Variants in C8B observed in about 807,000 individuals in gnomAD.
C8B encodes the protein complement C8 beta chain.
In C8B, 67 loss-of-function variants were observed where a neutral mutation model predicts 64.6. The observed-to-expected ratio is 1.04, with a 90% CI of 0.85 to 1.27. The LOEUF is 1.27. C8B is among the 50% of genes most tolerant of loss of function. The pLI, the probability that C8B is intolerant of heterozygous loss-of-function variation, is 0.00. For synonymous variants in C8B, 284 were observed against 257.7 expected, an observed-to-expected ratio of 1.10 and a Z score of -0.98; for missense variants, 790 against 725.2, an observed-to-expected ratio of 1.09 and a Z score of -1.03.
intron 9 of C8B, among the ~76,000 whole-genome samples, chr1:56,933,780 GAGAC>G (rs1372254456): frequency 6.6e-6 from 1 of 152,338 alleles, no homozygotes; most frequent in Admixed American, 6.5e-5. Context: ...AGAATCGAGA[GAGAC>G]AGACAAACAT....
intron 3 of C8B, among the ~76,000 whole-genome samples, chr1:56,955,909 A>AACC (rs1463036609): frequency 1.3e-5 from 2 of 152,180 alleles, no homozygotes; most frequent in African/African-American, 4.8e-5. Flanking sequence ...AGAAATAGAG[A>AACC]ACCATCTGTT....
rs186619350 is a variant in C8B at position 56,929,827 on chromosome 1, T to C, written c.1622-269A>G. ...CCTCGGATCTCAGTAAAAGTGTTAT[T>C]TCCTCAGGAAAATCTTCTCTGACTC... On this transcript the variant is annotated intron_variant, in intron 11 of 11. Coordinates refer to ENST00000371237, the MANE Select transcript of C8B (RefSeq NM_000066.4). Among the ~76,000 whole-genome samples, 608 of 152,326 alleles carry C rather than the reference T, an allele frequency of 4.0e-3. 6 individuals are homozygous for C. The highest frequency in any genetic ancestry group is 6.2e-3 in the Non-Finnish European group (424 of 68,038).
At chr1:56,929,642 A>G in intron 11 of C8B, 84 bp from the exon 12 acceptor site, 1 of 1,358,840 alleles carries the variant, frequency 7.4e-7, no homozygotes. Flanking sequence ...TATGTAAGCC[A>G]AAAGGCTTTG....
intron 5 of C8B, among the ~76,000 whole-genome samples, chr1:56,951,154 T>A (rs1645015349): frequency 6.6e-6 from 1 of 152,166 alleles, no homozygotes; most frequent in African/African-American, 2.4e-5. Context: ...CTTGACTCAC[T>A]GTAGCCTCAA....
intron 4 of C8B, among the ~76,000 whole-genome samples, chr1:56,953,607 G>T (rs557090546): frequency 1.3e-5 from 2 of 152,288 alleles, no homozygotes; most frequent in African/African-American, 4.8e-5. Flanking sequence ...GAGCTGCCCA[G>T]CACCTCGTAT....
chr1:56,959,745 T>C (rs150313161), intron 2 of C8B: 18,920 of 846,868 alleles, frequency 0.022, 282 homozygotes, highest in South Asian at 0.04. Context: ...TGTTTCATGA[T>C]GAAAGATTGA....
intron 1 of C8B, chr1:56,963,923 G>A (rs1405922833): frequency 1.0e-5 from 10 of 985,148 alleles, no homozygotes; most frequent in Non-Finnish European, 1.2e-5. Context: ...TGGCCAATAC[G>A]AAGGTGGTCT....
At chr1:56,934,208 C>G (rs990158234) in intron 9 of C8B, among the ~76,000 whole-genome samples, 2 of 144,458 alleles carry the variant, frequency 1.4e-5, no homozygotes, top group African/African-American at 2.6e-5. Flanking sequence ...TCCCAGAGAT[C>G]AGGGCAATGT....
Position 56,954,799 on chromosome 1 carries a change from G to A in C8B, c.420C>T (p.Cys140=), listed in dbSNP as rs1570399860. The change falls in exon 4 of 12, where the codon TGC becomes TGT. Residue 140 remains cysteine (C), a synonymous_variant. Coordinates refer to ENST00000371237, the MANE Select transcript of C8B (RefSeq NM_000066.4). ...GGTCTCCACAGTCATTGTCCCCATTGCAAAGAAGTCTGCGGTTTACACACC... is the reference window on the plus strand; with the variant it reads ...GGTCTCCACAGTCATTGTCCCCATTACAAAGAAGTCTGCGGTTTACACACC... ...TGRCVNRRLL[C]NGDNDCGDQS... The A allele has an allele frequency of 3.1e-6, 5 of 1,614,088 alleles. No homozygotes were observed. The East Asian group carries it at 8.9e-5, about 29-fold the overall frequency.
At chr1:56,956,746 C>G (rs774090414) in intron 3 of C8B, 23 bp downstream of exon 3, 27 of 1,612,820 alleles carry the variant, frequency 1.7e-5, no homozygotes, top group Non-Finnish European at 2.3e-5. Context: ...GCTTTCCCCT[C>G]TTACTCCTAC....
At chr1:56,964,268 C>T (rs534497939) in intron 1 of C8B, among the ~76,000 whole-genome samples, 3 of 152,270 alleles carry the variant, frequency 2.0e-5, no homozygotes, top group South Asian at 4.1e-4. Context: ...TATATTTGAT[C>T]GTGTCACTCC....
At chr1:56,937,258 T>C (rs1217408779) in intron 9 of C8B, among the ~76,000 whole-genome samples, 1 of 152,200 alleles carries the variant, frequency 6.6e-6, no homozygotes, top group Non-Finnish European at 1.5e-5. Context: ...CACTCTTTTA[T>C]TATCACTGCT....
intron 4 of C8B, 37 bp from the exon 5 acceptor site, chr1:56,952,217 G>C (rs1645032925): frequency 6.2e-7 from 1 of 1,612,622 alleles, no homozygotes; most frequent in East Asian, 2.2e-5. Context: ...AGAGGTTAAA[G>C]TTTGCGGTTG....
chr1:56,943,745 A>G lies in C8B; in HGVS notation c.1185T>C (p.Ser395=). 6.2e-7 allele frequency: 1 copy of G among 1,614,128 alleles called. No individual in the cohort carries two copies. The change falls in exon 8 of 12, where the codon AGT becomes AGC. Residue 395 remains serine (S), a synonymous_variant. Transcript: ENST00000371237. ...IGGAIEEVYV[S]LGVSVGKCRG... is the part of the protein sequence containing the mutation. ...TGCATTTGCCTACAGACACACCCAG[A>G]CTGACGTAGACCTCTTCAATGGCAC...
In C8B at chr1:56,931,861, T is replaced by C; in HGVS notation, c.1570A>G (p.Ile524Val). ...PVLKGSRCDC[I>V]CPVGSQGLAC... ...AGGCCTTGGGATCCAACAGGACAGA[T>C]GCAGTCACAGCGTGATCCTGAGAAG... Residue 524 changes from isoleucine (I) to valine (V), a missense_variant, in exon 11 of 12, where the codon ATC (isoleucine) becomes GTC (valine). By Grantham distance (29) the Ile-to-Val change is conservative. Transcript: ENST00000371237. 6.2e-7 allele frequency: 1 copy of C among 1,612,410 alleles called. No homozygotes were observed. The highest frequency in any genetic ancestry group is 1.3e-5 in the African/African-American group (1 of 75,004).
chr1:56,933,994 A>T (rs1244609510), intron 9 of C8B, among the ~76,000 whole-genome samples: 2 of 152,158 alleles, frequency 1.3e-5, no homozygotes, highest in Non-Finnish European at 2.9e-5. Context: ...AATCATTCCC[A>T]TCCTGCAAGA....
At chr1:56,930,933 T>C (rs1644692585) in intron 11 of C8B, among the ~76,000 whole-genome samples, 1 of 152,194 alleles carries the variant, frequency 6.6e-6, no homozygotes, top group Non-Finnish European at 1.5e-5. Flanking sequence ...ATCATATTCA[T>C]CTTACAGGCA....
rs185211431 is a variant in C8B at position 56,951,335 on chromosome 1, A to C, written c.666+713T>G. Among the ~76,000 whole-genome samples the C allele has an allele frequency of 3.5e-3, 540 of 152,270 alleles. 3 individuals are homozygous for C. The highest frequency in any genetic ancestry group is 0.012 in the African/African-American group (508 of 41,560). ...CACAGATGAGAAAACTGAGGCCCAGAGTGGAAAAGGAACTTAACCTAAGGT... is the reference window on the plus strand; with the variant it reads ...CACAGATGAGAAAACTGAGGCCCAGCGTGGAAAAGGAACTTAACCTAAGGT... On this transcript the variant is annotated intron_variant, in intron 5 of 11. Coordinates refer to ENST00000371237, the MANE Select transcript of C8B (RefSeq NM_000066.4).
At position 56,933,429 on chromosome 1, in the gene C8B, C is replaced by T. The variant is rs140570606; in HGVS notation, c.1458G>A (p.Arg486=). The T allele has an allele frequency of 4.6e-5, 75 of 1,613,588 alleles. No homozygotes were observed. Among genetic ancestry groups the T allele is most frequent in the Middle Eastern group, 1.6e-4 (1 of 6,084 alleles). ...CCTCCAGTGCCTGCTTCATGTTCTGCCTCACTGTGCTGGAATAGGCAAAAT... is the reference window on the plus strand; with the variant it reads ...CCTCCAGTGCCTGCTTCATGTTCTGTCTCACTGTGCTGGAATAGGCAAAAT... ...ATDFAYSSTV[R]QNMKQALEEF... Residue 486 remains arginine (R), a synonymous_variant, in exon 10 of 12, where the codon AGG becomes AGA. Transcript: ENST00000371237.
Sources: gnomAD v4.1 joint callset for allele counts (sites outside exome capture counted in the v4.1 genomes callset) on GRCh38, gnomAD v4.1.1 for gene constraint, MANE v1.5 for transcripts, NCBI Gene and HGNC (gene_info 2026-07-23, HGNC 2026-07-21) for gene names.